PDE4D: variants seen among roughly 807,000 people sequenced by gnomAD.
PDE4D encodes the protein 3',5'-cyclic-AMP phosphodiesterase 4D.
In PDE4D, 24 loss-of-function variants were observed where a neutral mutation model predicts 87.4. That is an observed-to-expected ratio of 0.27 (90% CI 0.20 to 0.39). The LOEUF is 0.39. Ranked by LOEUF, PDE4D falls within the 10% of genes least tolerant of loss-of-function variation. The pLI is 1.00. For synonymous variants in PDE4D, 384 were observed against 383.2 expected, an observed-to-expected ratio of 1.00 and a Z score of -0.02; for missense variants, 714 against 1,041.0, an observed-to-expected ratio of 0.69 and a Z score of 4.32.
In PDE4D at chr5:60,015,951, G is replaced by C. The variant is rs185997730; in HGVS notation, c.43-27234C>G. On this transcript the variant is annotated intron_variant, in intron 2 of 16. Coordinates refer to the PDE4D transcript ENST00000502484. ...CACCCAGGCTGGAGTGCAGTGGCAC[G>C]ATCTCGGCTCACTGCAAGCTCTGCC... Among the ~76,000 whole-genome samples, 6 of 150,152 alleles carry C rather than the reference G, an allele frequency of 4.0e-5. No homozygotes were observed. The South Asian group carries it at 1.1e-3, about 27-fold the overall frequency.
chr5:59,723,625 G>A (rs150578070), intron 1 of PDE4D, among the ~76,000 whole-genome samples: 1 of 152,060 alleles, frequency 6.6e-6, no homozygotes, highest in African/African-American at 2.4e-5. Flanking sequence ...GAATGGCAAG[G>A]GCCTATTTGG....
At chr5:60,165,324 T>G (rs1782791577) in intron 2 of PDE4D, among the ~76,000 whole-genome samples, 1 of 152,138 alleles carries the variant, frequency 6.6e-6, no homozygotes, top group African/African-American at 2.4e-5. Flanking sequence ...TACAAATGTG[T>G]GAATTTATTT....
intron 2 of PDE4D, chr5:59,988,743 A>C: frequency 7.4e-7 from 1 of 1,349,100 alleles, no homozygotes; most frequent in Non-Finnish European, 1.0e-6. Context: ...AAGAAAGTAC[A>C]TATAATCAAC....
intron 1 of PDE4D, among the ~76,000 whole-genome samples, chr5:59,387,577 T>C (rs1787345234): frequency 6.6e-6 from 1 of 152,108 alleles, no homozygotes; most frequent in African/African-American, 2.4e-5. Flanking sequence ...TGGTTAGGAT[T>C]CTTTGTTCAG....
chr5:59,749,796 G>A (rs1166787612), intron 1 of PDE4D, among the ~76,000 whole-genome samples: 1 of 152,060 alleles, frequency 6.6e-6, no homozygotes, highest in Non-Finnish European at 1.5e-5. Flanking sequence ...GTGCTAATCT[G>A]TGCTCCAAAC....
intron 1 of PDE4D, among the ~76,000 whole-genome samples, chr5:60,502,816 CA>C (rs1475549217): frequency 6.6e-6 from 1 of 152,104 alleles, no homozygotes; most frequent in Non-Finnish European, 1.5e-5. Context: ...ACATGACAGG[CA>C]GAACTTTTCT....
intron 1 of PDE4D, among the ~76,000 whole-genome samples, chr5:59,756,509 T>TACACACACACACACACACACAC (rs3062590): frequency 0.028 from 4,107 of 144,942 alleles, 82 homozygotes; most frequent in Middle Eastern, 0.059. Context: ...ACCCAAAACA[T>TACACACACACACACACACACAC]ACACACACAC....
intron 1 of PDE4D, among the ~76,000 whole-genome samples, chr5:59,608,926 G>A (rs747412153): frequency 1.3e-5 from 2 of 152,054 alleles, no homozygotes; most frequent in Non-Finnish European, 2.9e-5. Flanking sequence ...CACTCTGGGG[G>A]ATACAAGCTA....
intron 3 of PDE4D, among the ~76,000 whole-genome samples, chr5:59,927,484 A>G (rs1755419626): frequency 6.6e-6 from 1 of 152,238 alleles, no homozygotes; most frequent in South Asian, 2.1e-4. Flanking sequence ...GAAAGAACAT[A>G]TACTAAATTC....
chr5:59,707,817 C>A (rs2150492017), intron 1 of PDE4D, among the ~76,000 whole-genome samples: 1 of 152,196 alleles, frequency 6.6e-6, no homozygotes, highest in Middle Eastern at 3.4e-3. Context: ...GCATGGTATC[C>A]CATGGTGTGT....
chr5:60,097,424 T>A (rs1775792955), intron 2 of PDE4D, among the ~76,000 whole-genome samples: 1 of 152,056 alleles, frequency 6.6e-6, no homozygotes, highest in Admixed American at 6.6e-5. Context: ...GCACATATAA[T>A]ATATACAATT....
At chr5:59,214,245 A>G (rs528194676) in intron 2 of PDE4D, among the ~76,000 whole-genome samples, 7 of 152,304 alleles carry the variant, frequency 4.6e-5, no homozygotes, top group Non-Finnish European at 8.8e-5. Context: ...TAGAGTAATC[A>G]AGATGCAATA....
rs992637640 is a variant in PDE4D at position 60,269,200 on chromosome 5, G to A, written c.-89-83513C>T. ...CACATGCCTGTAGTCCCAGCTACTC[G>A]GGAGGCCGAGGTAGGAGAATCGCTT... is the stretch of plus-strand genomic sequence containing the variant. On this transcript the variant is annotated intron_variant, in intron 1 of 16. Transcript: ENST00000502484. Among the ~76,000 whole-genome samples, 9 of 152,248 alleles carry A rather than the reference G, an allele frequency of 5.9e-5. No individual in the cohort carries two copies. The South Asian group carries it at 1.2e-3, about 21-fold the overall frequency.
chr5:59,601,877 C>T (rs1467598185), intron 1 of PDE4D, among the ~76,000 whole-genome samples: 1 of 152,052 alleles, frequency 6.6e-6, no homozygotes, highest in Non-Finnish European at 1.5e-5. Flanking sequence ...TTTCCTCAAA[C>T]TCTTTCAAAA....
intron 1 of PDE4D, among the ~76,000 whole-genome samples, chr5:59,470,420 G>A (rs1802270759): frequency 6.6e-6 from 1 of 152,132 alleles, no homozygotes; most frequent in Non-Finnish European, 1.5e-5. Context: ...CCTACTCATA[G>A]AGGGCACTAT....
In PDE4D at chr5:59,399,049, G is replaced by C. The variant is rs1020783178; in HGVS notation, c.456-183081C>G. On this transcript the variant is annotated intron_variant, in intron 1 of 14. Coordinates refer to ENST00000340635, the MANE Select transcript of PDE4D (RefSeq NM_001104631.2). ...GCGACATGAAGGACTTCTTCAAGGAGAACTGCAAACCACTGCTCAATGAAA... is the reference window on the plus strand; with the variant it reads ...GCGACATGAAGGACTTCTTCAAGGACAACTGCAAACCACTGCTCAATGAAA... Among the ~76,000 whole-genome samples the C allele has an allele frequency of 4.4e-4, 55 of 124,500 alleles. 2 individuals carry two copies. The highest frequency in any genetic ancestry group is 1.7e-3 in the African/African-American group (55 of 32,124). The allele number at this position is 124,500 out of a possible 152,430, so 81.7% of individuals were successfully genotyped here.
chr5:59,173,987 G>T (rs1303760839), intron 5 of PDE4D, among the ~76,000 whole-genome samples: 1 of 152,148 alleles, frequency 6.6e-6, no homozygotes, highest in Non-Finnish European at 1.5e-5. Flanking sequence ...TTAAAAGGCA[G>T]ATCTAAGTAA....
At chr5:59,434,752 T>C (rs1332176260) in intron 1 of PDE4D, among the ~76,000 whole-genome samples, 1 of 152,102 alleles carries the variant, frequency 6.6e-6, no homozygotes, top group Admixed American at 6.6e-5. Flanking sequence ...TTATATTCCC[T>C]AGTACTGGCC....
At chr5:59,333,969 G>T (rs980518834) in intron 1 of PDE4D, among the ~76,000 whole-genome samples, 4 of 151,894 alleles carry the variant, frequency 2.6e-5, no homozygotes, top group African/African-American at 4.8e-5. Context: ...AAACCTGCAG[G>T]TCTTGTTTAT....
Sources: allele counts gnomAD v4.1 joint callset (sites outside exome capture counted in the v4.1 genomes callset), GRCh38; gene constraint gnomAD v4.1.1; transcripts MANE v1.5; gene names NCBI Gene and HGNC (gene_info 2026-07-23, HGNC 2026-07-21).